ADGRB3: variants seen among roughly 807,000 people sequenced by gnomAD.
ADGRB3 encodes adhesion G protein-coupled receptor B3.
ADGRB3 carries 37 observed loss-of-function variants against 193.4 expected under a neutral mutation model. The ratio of observed to expected loss-of-function variants is 0.19; its 90% CI spans 0.15 to 0.25. ADGRB3 has a LOEUF of 0.25. Among genes scored for constraint, ADGRB3 ranks in the 10% least tolerant of loss-of-function variants. The probability of loss-of-function intolerance (pLI) is 1.00; values close to 1 mark genes in which losing one functional copy is unlikely to be tolerated. For synonymous variants in ADGRB3, 690 were observed against 644.2 expected, an observed-to-expected ratio of 1.07 and a Z score of -1.08; for missense variants, 1,637 against 1,852.9, an observed-to-expected ratio of 0.88 and a Z score of 2.14.
chr6:69,248,090 G>T (rs905888966), intron 20 of ADGRB3, among the ~76,000 whole-genome samples: 1 of 152,100 alleles, frequency 6.6e-6, no homozygotes, highest in Non-Finnish European at 1.5e-5. Context: ...TCACAGAAAG[G>T]TTAAAGAATA....
At chr6:69,353,033 A>C (rs1033758) in intron 26 of ADGRB3, among the ~76,000 whole-genome samples, 148,662 of 152,194 alleles carry the variant, frequency 0.98, 72,624 homozygotes, top group East Asian at 1. Context: ...GTGAAATGAC[A>C]TTGACATTGA....
intron 6 of ADGRB3, among the ~76,000 whole-genome samples, chr6:68,951,415 A>G (rs1484221437): frequency 6.6e-6 from 1 of 151,894 alleles, no homozygotes; most frequent in African/African-American, 2.4e-5. Flanking sequence ...TCTTCATAAC[A>G]CCTCTAGTGA....
At chr6:69,203,840 G>A (rs565951148) in intron 17 of ADGRB3, among the ~76,000 whole-genome samples, 37 of 152,228 alleles carry the variant, frequency 2.4e-4, no homozygotes, top group African/African-American at 8.7e-4. Flanking sequence ...TTTCGTCTAT[G>A]AGTAAATCTA....
chr6:69,155,229 A>T (rs1774801329), intron 17 of ADGRB3, among the ~76,000 whole-genome samples: 1 of 152,212 alleles, frequency 6.6e-6, no homozygotes, highest in Non-Finnish European at 1.5e-5. Flanking sequence ...TGAATATTTC[A>T]TGCCGTGACA....
rs541099002 is a variant in ADGRB3, at chr6:69,241,231, A to G, written c.2814+2005A>G. Among the ~76,000 whole-genome samples the G allele has an allele frequency of 5.3e-5, 8 of 152,046 alleles. No homozygotes were observed. In the East Asian group the frequency reaches 9.7e-4, roughly 18 times the overall value. On this transcript the variant is annotated intron_variant, in intron 20 of 31. Coordinates refer to ENST00000370598, the MANE Select transcript of ADGRB3 (RefSeq NM_001704.3). ...AATGCAAGACACAAATACAAGCCACATATGTAATTTAAATTATATTAGTAG... is the reference window on the plus strand; with the variant it reads ...AATGCAAGACACAAATACAAGCCACGTATGTAATTTAAATTATATTAGTAG...
At chr6:69,336,343 T>A (rs933176624) in intron 24 of ADGRB3, among the ~76,000 whole-genome samples, 1 of 151,976 alleles carries the variant, frequency 6.6e-6, no homozygotes, top group Non-Finnish European at 1.5e-5. Context: ...GCCTTAAACG[T>A]CTTTGTCTTA....
chr6:69,001,636 G>A (rs1488552333), intron 11 of ADGRB3, among the ~76,000 whole-genome samples: 1 of 152,076 alleles, frequency 6.6e-6, no homozygotes, highest in Non-Finnish European at 1.5e-5. Flanking sequence ...GGAAAGAAAG[G>A]CCCTTGAAAC....
At chr6:69,107,057 T>C (rs910078487) in intron 17 of ADGRB3, among the ~76,000 whole-genome samples, 6 of 152,200 alleles carry the variant, frequency 3.9e-5, no homozygotes, top group Non-Finnish European at 5.9e-5. Context: ...CTATTTTATG[T>C]AAATGTATTT....
At chr6:69,216,158 G>T (rs1167493203) in intron 17 of ADGRB3, among the ~76,000 whole-genome samples, 1 of 151,988 alleles carries the variant, frequency 6.6e-6, no homozygotes, top group African/African-American at 2.4e-5. Context: ...CCTGAAAATA[G>T]GTAGGCACTT....
intron 5 of ADGRB3, among the ~76,000 whole-genome samples, chr6:68,940,270 C>T (rs1337011805): frequency 1.3e-5 from 2 of 152,118 alleles, no homozygotes; most frequent in Non-Finnish European, 2.9e-5. Context: ...CAGGGCTTCT[C>T]AACCTCATTA....
At chr6:68,694,518 GT>G (rs1168712451) in intron 3 of ADGRB3, among the ~76,000 whole-genome samples, 1 of 151,828 alleles carries the variant, frequency 6.6e-6, no homozygotes, top group African/African-American at 2.4e-5. Flanking sequence ...AATTCACCTT[GT>G]TTTTTTAGTC....
intron 20 of ADGRB3, among the ~76,000 whole-genome samples, chr6:69,291,266 A>G (rs1767660484): frequency 6.6e-6 from 1 of 152,150 alleles, no homozygotes; most frequent in African/African-American, 2.4e-5. Flanking sequence ...CATCATTATT[A>G]TTAAGCATTA....
chr6:69,332,625 G>T, intron 23 of ADGRB3: 1 of 985,438 alleles, frequency 1.0e-6, no homozygotes, highest in Non-Finnish European at 1.2e-6. Context: ...ACAGAAGAAT[G>T]CCAGATTGGC....
In ADGRB3 at chr6:68,635,408, C is replaced by T. The variant is rs1227955619; in HGVS notation, c.-780C>T. The T allele has an allele frequency of 3.3e-5, 5 of 152,312 alleles. No homozygotes were observed. Among genetic ancestry groups the T allele is most frequent in the Admixed American group, 2.0e-4 (3 of 15,268 alleles). The allele number at this position is 152,312 out of a possible 1,614,324, so 9.4% of individuals were successfully genotyped here. On this transcript the variant is annotated 5_prime_UTR_variant, in exon 1 of 32. Coordinates refer to ENST00000370598, the MANE Select transcript of ADGRB3 (RefSeq NM_001704.3). ...GCCAAGGATTTTTTTCCCCGCTCTC[C>T]TTAGTCGCCGTCCGTCCATCAGTAC... is the stretch of plus-strand genomic sequence containing the variant.
At chr6:68,838,132 G>C (rs1183846589) in intron 3 of ADGRB3, among the ~76,000 whole-genome samples, 1 of 152,154 alleles carries the variant, frequency 6.6e-6, no homozygotes, top group Non-Finnish European at 1.5e-5. Context: ...CTGCTACCAG[G>C]ATGACAGAAT....
At chr6:68,941,761 A>T (rs1482562049) in intron 5 of ADGRB3, among the ~76,000 whole-genome samples, 1 of 151,956 alleles carries the variant, frequency 6.6e-6, no homozygotes, top group East Asian at 1.9e-4. Context: ...AATAGTTTAT[A>T]AAAATATTCA....
chr6:69,254,376 C>A (rs1203458248), intron 20 of ADGRB3, among the ~76,000 whole-genome samples: 3 of 152,074 alleles, frequency 2.0e-5, no homozygotes, highest in Non-Finnish European at 2.9e-5. Flanking sequence ...TTTTTACTAA[C>A]ACAGTAATCG....
rs542620301 is a variant in ADGRB3, at chr6:68,639,569, C to T, written c.757+137C>T. 19 of 1,220,712 alleles carry T rather than the reference C, an allele frequency of 1.6e-5. No homozygotes were observed. The African/African-American group carries it at 2.0e-4, about 13-fold the overall frequency. The allele number at this position is 1,220,712 out of a possible 1,614,324, so 75.6% of individuals were successfully genotyped here. A position where few individuals can be genotyped will look rare whatever the true frequency, so the allele number is the denominator to read the frequency against. ...TGATTCATTTGATTTGTGCTATTCA[C>T]TGATAAAGGTCTCTTGAGCTAGTTT... On this transcript the variant is annotated intron_variant, in intron 3 of 31. Coordinates refer to ENST00000370598, the MANE Select transcript of ADGRB3 (RefSeq NM_001704.3).
At chr6:68,931,572 A>G (rs943620746) in intron 4 of ADGRB3, among the ~76,000 whole-genome samples, 2 of 152,142 alleles carry the variant, frequency 1.3e-5, no homozygotes, top group African/African-American at 2.4e-5. Context: ...ATGTTTTGCC[A>G]TTAATACAGA....
Sources: allele counts gnomAD v4.1 joint callset (sites outside exome capture counted in the v4.1 genomes callset), GRCh38; gene constraint gnomAD v4.1.1; transcripts MANE v1.5; gene names NCBI Gene and HGNC (gene_info 2026-07-23, HGNC 2026-07-21).